Variants in FNDC3B observed in about 807,000 individuals in gnomAD.
The protein encoded by FNDC3B is fibronectin type III domain containing 3B, also known as fibronectin type III domain-containing protein 3B.
A neutral mutation model predicts 151.5 loss-of-function variants in FNDC3B; 12 were observed. The observed-to-expected ratio is 0.08, with a 90% CI of 0.05 to 0.13. The LOEUF is 0.13. Ranked by LOEUF, FNDC3B falls within the 10% of genes least tolerant of loss-of-function variation. The pLI is 1.00. For synonymous variants in FNDC3B, 528 were observed against 549.0 expected (o/e 0.96, Z 0.54); for missense variants, 1,214 against 1,505.3 (o/e 0.81, Z 3.20).
intron 25 of FNDC3B, among the ~76,000 whole-genome samples, chr3:172,386,831 G>T (rs1157132943): frequency 2.0e-5 from 3 of 150,572 alleles, no homozygotes; most frequent in Non-Finnish European, 4.4e-5. Flanking sequence ...TGGTATTTCT[G>T]TATCAATATA....
At chr3:172,244,305 A>AT (rs538861093) in intron 4 of FNDC3B, among the ~76,000 whole-genome samples, 8 of 151,890 alleles carry the variant, frequency 5.3e-5, no homozygotes, top group African/African-American at 1.4e-4. Flanking sequence ...ATGAAGGCAT[A>AT]TTTTTTTTGC....
At chr3:172,290,079 C>A (rs1730245741) in intron 7 of FNDC3B, among the ~76,000 whole-genome samples, 1 of 152,184 alleles carries the variant, frequency 6.6e-6, no homozygotes, top group Non-Finnish European at 1.5e-5. Flanking sequence ...CAGAGCCATG[C>A]AAAGTTGGGA....
chr3:172,242,506 C>T (rs552871891), intron 4 of FNDC3B, among the ~76,000 whole-genome samples: 37 of 152,332 alleles, frequency 2.4e-4, no homozygotes, highest in South Asian at 1.2e-3. Context: ...GCAGGCTCAA[C>T]GCCACATGGA....
intron 14 of FNDC3B, among the ~76,000 whole-genome samples, chr3:172,334,060 A>G (rs1732824704): frequency 6.6e-6 from 1 of 152,234 alleles, no homozygotes; most frequent in African/African-American, 2.4e-5. Flanking sequence ...GTTTTGGAAG[A>G]TAAGATTGTC....
chr3:172,066,159 A>G (rs1392490542), intron 1 of FNDC3B, among the ~76,000 whole-genome samples: 1 of 152,148 alleles, frequency 6.6e-6, no homozygotes, highest in African/African-American at 2.4e-5. Flanking sequence ...TAGCTTACCA[A>G]ACTTCATCTG....
At chr3:172,290,192 G>A (rs1194296796) in intron 7 of FNDC3B, among the ~76,000 whole-genome samples, 1 of 152,166 alleles carries the variant, frequency 6.6e-6, no homozygotes, top group Non-Finnish European at 1.5e-5. Context: ...TTTTGCAGAT[G>A]ATTTTATTTA....
chr3:172,248,352 C>G (rs766647128), intron 5 of FNDC3B, among the ~76,000 whole-genome samples: 3 of 152,084 alleles, frequency 2.0e-5, no homozygotes, highest in Admixed American at 6.6e-5. Context: ...TTAGTGCAGC[C>G]GCAATTTCAC....
At chr3:172,247,472 C>T (rs1292253195) in intron 4 of FNDC3B, 61 bp from the exon 5 acceptor site, 2 of 1,521,444 alleles carry the variant, frequency 1.3e-6, no homozygotes, top group Non-Finnish European at 1.8e-6. Flanking sequence ...GTTATTAATA[C>T]TATATATATT....
At chr3:172,297,483 T>G (rs1336869732) in intron 8 of FNDC3B, among the ~76,000 whole-genome samples, 2 of 148,818 alleles carry the variant, frequency 1.3e-5, no homozygotes, top group Non-Finnish European at 3.0e-5. Context: ...TCCATAAGTG[T>G]TTTTTTTTTG....
chr3:172,383,765 C>G (rs1348863278), intron 25 of FNDC3B, among the ~76,000 whole-genome samples: 3 of 152,128 alleles, frequency 2.0e-5, no homozygotes, highest in Non-Finnish European at 4.4e-5. Flanking sequence ...TTTCATAGCC[C>G]TTGTTGATTC....
chr3:172,378,727 AG>A (rs1042473560), intron 24 of FNDC3B, among the ~76,000 whole-genome samples: 2 of 152,162 alleles, frequency 1.3e-5, no homozygotes, highest in Non-Finnish European at 2.9e-5. Flanking sequence ...TTACCAAGGA[AG>A]GCGTCAGACT....
intron 3 of FNDC3B, among the ~76,000 whole-genome samples, chr3:172,161,117 G>A (rs1234756823): frequency 6.6e-6 from 1 of 152,162 alleles, no homozygotes; most frequent in Non-Finnish European, 1.5e-5. Context: ...ATTATTAACT[G>A]TTATATAGAA....
intron 3 of FNDC3B, among the ~76,000 whole-genome samples, chr3:172,153,269 T>C (rs57395172): frequency 0.11 from 16,177 of 152,146 alleles, 2,580 homozygotes; most frequent in African/African-American, 0.35. Context: ...CTGGGGAACA[T>C]TGAAAAACGG....
At chr3:172,048,419 A>G (rs753327931) in intron 1 of FNDC3B, among the ~76,000 whole-genome samples, 1 of 152,210 alleles carries the variant, frequency 6.6e-6, no homozygotes, top group Non-Finnish European at 1.5e-5. Context: ...AATTCTGATT[A>G]AGAAATAGAG....
intron 6 of FNDC3B, among the ~76,000 whole-genome samples, chr3:172,260,173 G>A (rs778673901): frequency 3.3e-5 from 5 of 152,218 alleles, no homozygotes; most frequent in Admixed American, 1.3e-4. Flanking sequence ...TGATGATATG[G>A]TTTGTTTCTG....
rs145708637 is a variant in FNDC3B at position 172,103,273 on chromosome 3, G to T, written c.-28-9179G>T. On this transcript the variant is annotated intron_variant, in intron 1 of 25. Coordinates refer to ENST00000415807, the MANE Select transcript of FNDC3B (RefSeq NM_022763.4). Reference sequence around the variant, plus strand: ...GAGGTCAAGAGATTGTGTATATATAGTGATGTAATTTTTTTCCATTTAGTT... The same window carrying T: ...GAGGTCAAGAGATTGTGTATATATATTGATGTAATTTTTTTCCATTTAGTT... Among the ~76,000 whole-genome samples the T allele has an allele frequency of 2.8e-4, 42 of 152,208 alleles. No homozygotes were observed. In the East Asian group the frequency reaches 7.9e-3, roughly 29 times the overall value.
chr3:172,130,607 T>C (rs1721030158), intron 2 of FNDC3B, among the ~76,000 whole-genome samples: 1 of 152,212 alleles, frequency 6.6e-6, no homozygotes, highest in African/African-American at 2.4e-5. Flanking sequence ...CAGTGACCAC[T>C]GAGGAACTGT....
intron 1 of FNDC3B, among the ~76,000 whole-genome samples, chr3:172,056,618 CTG>C (rs1716932457): frequency 6.6e-6 from 1 of 152,232 alleles, no homozygotes; most frequent in South Asian, 2.1e-4. Context: ...TGCTCAATCT[CTG>C]TGTCTTGTTA....
In FNDC3B at chr3:172,251,478, G is replaced by A. The variant is rs1392586793; in HGVS notation, c.727G>A (p.Gly243Arg). ...SGGGGSGSGPGIKKTERRARS... is the reference protein window; with the variant it reads ...SGGGGSGSGPRIKKTERRARS... ...CGGAGGCGGCAGCGGTAGTGGTCCC[G>A]GAATTAAGAAAACAGAGCGACGAGC... is the stretch of plus-strand genomic sequence containing the variant. The change falls in exon 6 of 26, where the codon GGA (glycine) becomes AGA (arginine). Residue 243 changes from glycine to arginine, a missense_variant. Gly to Arg is a moderately radical substitution (Grantham distance 125). Transcript: ENST00000415807. 3 of 1,613,972 alleles carry A rather than the reference G, an allele frequency of 1.9e-6. No individual in the cohort carries two copies. Among genetic ancestry groups the A allele is most frequent in the Admixed American group, 1.7e-5 (1 of 59,996 alleles).
Sources: gnomAD v4.1 joint callset for allele counts (sites outside exome capture counted in the v4.1 genomes callset) on GRCh38, gnomAD v4.1.1 for gene constraint, MANE v1.5 for transcripts, NCBI Gene and HGNC (gene_info 2026-07-23, HGNC 2026-07-21) for gene names.